Variants in TG observed in about 807,000 individuals in gnomAD.
The protein encoded by TG is thyroglobulin.
Under a neutral mutation model 324.7 loss-of-function variants are expected in TG, and 270 were observed. The ratio of observed to expected loss-of-function variants is 0.83; its 90% CI spans 0.75 to 0.92. TG has a LOEUF of 0.92. Ranked by LOEUF, TG falls within the 40% of genes least tolerant of loss-of-function variation. The pLI is 0.00. For synonymous variants in TG, 1,401 were observed against 1,327.0 expected (o/e 1.06, Z -1.21); for missense variants, 3,591 against 3,456.4 (o/e 1.04, Z -0.98).
At chr8:133,008,398 A>G (rs1006114559) in intron 35 of TG, among the ~76,000 whole-genome samples, 1 of 152,238 alleles carries the variant, frequency 6.6e-6, no homozygotes, top group African/African-American at 2.4e-5. Context: ...ATTCACTTAC[A>G]GATAAGTACT....
chr8:133,075,806 A>G (rs1844777824), intron 41 of TG, among the ~76,000 whole-genome samples: 1 of 152,184 alleles, frequency 6.6e-6, no homozygotes, highest in African/African-American at 2.4e-5. Context: ...GAAGAGAATG[A>G]GGGAGACAGA....
At chr8:132,983,995 C>T (rs1190597313) in intron 35 of TG, among the ~76,000 whole-genome samples, 2 of 152,174 alleles carry the variant, frequency 1.3e-5, no homozygotes, top group East Asian at 3.8e-4. Flanking sequence ...GCAGAAAGTG[C>T]AGAGAGGTTG....
intron 41 of TG, among the ~76,000 whole-genome samples, chr8:133,076,345 CT>C (rs1018024706): frequency 1.3e-5 from 2 of 152,238 alleles, no homozygotes; most frequent in Admixed American, 1.3e-4. Flanking sequence ...GGAAACCTCA[CT>C]TGGGGTAGTT....
At chr8:133,006,685 T>C (rs1395182492) in intron 35 of TG, among the ~76,000 whole-genome samples, 1 of 152,270 alleles carries the variant, frequency 6.6e-6, no homozygotes, top group Admixed American at 6.5e-5. Context: ...AATATAGTTT[T>C]GGTCCTGTTT....
At chr8:132,943,275 G>A (rs972474695) in intron 26 of TG, among the ~76,000 whole-genome samples, 28 of 152,044 alleles carry the variant, frequency 1.8e-4, no homozygotes, top group African/African-American at 2.4e-5. Flanking sequence ...CTTCTTGCAA[G>A]ATCCTTAAAA....
At chr8:133,052,542 C>G (rs930847124) in intron 41 of TG, among the ~76,000 whole-genome samples, 5 of 152,202 alleles carry the variant, frequency 3.3e-5, no homozygotes, top group Admixed American at 3.3e-4. Context: ...GCAGCTCCCT[C>G]ACATTCTGCT....
At chr8:132,961,167 A>G in intron 28 of TG, 94 bp downstream of exon 28, 1 of 1,260,074 alleles carries the variant, frequency 7.9e-7, no homozygotes, top group South Asian at 1.2e-5. Flanking sequence ...CTATTTCTGT[A>G]GAGGAATAGG....
intron 41 of TG, among the ~76,000 whole-genome samples, chr8:133,057,987 T>C (rs940332188): frequency 6.6e-6 from 1 of 152,196 alleles, no homozygotes; most frequent in African/African-American, 2.4e-5. Context: ...GAGCTGGCTC[T>C]AATTGCACAT....
At chr8:133,030,063 G>T (rs778566903) in intron 41 of TG, 40 bp downstream of exon 41, 1 of 1,612,388 alleles carries the variant, frequency 6.2e-7, no homozygotes, top group South Asian at 1.1e-5. Flanking sequence ...TACTGCAGAT[G>T]CGGCTGGGGG....
chr8:133,095,199 C>G lies in TG; in HGVS notation c.7395C>G (p.Ala2465=). 1 of 1,614,178 alleles carries G rather than the reference C, an allele frequency of 6.2e-7. No individual in the cohort carries two copies. The change falls in exon 42 of 48, where the codon GCC becomes GCG. Residue 2465 remains alanine (A), a synonymous_variant. Coordinates refer to ENST00000220616, the MANE Select transcript of TG (RefSeq NM_003235.5). ...RQKPANVLND[A]QTKLLAVSGP... is the part of the protein sequence containing the mutation. ...AGCCTGCCAATGTCCTCAATGATGC[C>G]CAGACCAAGGTGAGCACTTAAGTGC...
chr8:132,885,271 C>T (rs1364130001), intron 8 of TG, among the ~76,000 whole-genome samples: 1 of 152,044 alleles, frequency 6.6e-6, no homozygotes, highest in East Asian at 1.9e-4. Context: ...TGGCTACAGT[C>T]AGCCTAGGAT....
intron 18 of TG, among the ~76,000 whole-genome samples, chr8:132,909,299 G>A (rs1165459902): frequency 1.3e-5 from 2 of 152,190 alleles, no homozygotes; most frequent in African/African-American, 2.4e-5. Flanking sequence ...ACAAGACTGG[G>A]TAGTAGTTGA....
chr8:133,072,516 T>G (rs565070687), intron 41 of TG, among the ~76,000 whole-genome samples: 1 of 152,344 alleles, frequency 6.6e-6, no homozygotes, highest in South Asian at 2.1e-4. Context: ...CTTGGGCTGC[T>G]AACAAGAACC....
At chr8:132,892,334 C>T (rs1401308963) in intron 10 of TG, among the ~76,000 whole-genome samples, 1 of 152,150 alleles carries the variant, frequency 6.6e-6, no homozygotes, top group Non-Finnish European at 1.5e-5. Context: ...GATTGAAATT[C>T]TGAATCAGCT....
intron 41 of TG, chr8:133,040,260 AG>A: frequency 2.0e-6 from 2 of 999,568 alleles, no homozygotes; most frequent in South Asian, 3.2e-5. Context: ...GAGATTTCAA[AG>A]GGGCATGGTA....
At chr8:132,966,456 G>A (rs200692786) in intron 29 of TG, 104 bp from the exon 30 acceptor site, 3 of 1,174,216 alleles carry the variant, frequency 2.6e-6, no homozygotes, top group Non-Finnish European at 3.7e-6. Context: ...TTCTCTCTCT[G>A]TCTCTCTCTC....
At chr8:132,907,415 C>T (rs117957355) in intron 17 of TG, among the ~76,000 whole-genome samples, 30 of 152,236 alleles carry the variant, frequency 2.0e-4, no homozygotes, top group East Asian at 5.8e-4. Context: ...GTGTAAGTTT[C>T]GGCCCCCTTT....
intron 8 of TG, 65 bp downstream of exon 8, chr8:132,883,064 C>T: frequency 6.4e-7 from 1 of 1,555,226 alleles, no homozygotes; most frequent in Admixed American, 1.9e-5. Context: ...GTCCTCCAGA[C>T]CAACCTCTCT....
At chr8:133,093,839 C>T (rs13279688) in intron 41 of TG, among the ~76,000 whole-genome samples, 109,045 of 152,164 alleles carry the variant, frequency 0.72, 39,521 homozygotes, top group Non-Finnish European at 0.75. Context: ...CCTAACATAA[C>T]TGTTACATGG....
Sources: allele counts gnomAD v4.1 joint callset (sites outside exome capture counted in the v4.1 genomes callset), GRCh38; gene constraint gnomAD v4.1.1; transcripts MANE v1.5; gene names NCBI Gene and HGNC (gene_info 2026-07-23, HGNC 2026-07-21).